The following CHIC1 variants were observed in gnomAD, a reference collection of about 807,000 sequenced individuals.
The protein encoded by CHIC1 is cysteine rich hydrophobic domain 1.
In CHIC1, 7 loss-of-function variants were observed where a neutral mutation model predicts 18.5. The observed-to-expected ratio is 0.38, with a 90% CI of 0.22 to 0.71. CHIC1 has a LOEUF of 0.71. Among genes scored for constraint, CHIC1 ranks in the 30% least tolerant of loss-of-function variants. The probability of loss-of-function intolerance (pLI) is 0.49; values close to 1 mark genes in which losing one functional copy is unlikely to be tolerated. For synonymous variants in CHIC1, 77 were observed against 73.5 expected, an observed-to-expected ratio of 1.05 and a Z score of -0.25; for missense variants, 159 against 176.9, an observed-to-expected ratio of 0.90 and a Z score of 0.57.
chrX:73,570,978 A>G (rs1204769371), intron 1 of CHIC1, among the ~76,000 whole-genome samples: 2 of 111,089 alleles, frequency 1.8e-5, no homozygotes, highest in African/African-American at 6.5e-5. Flanking sequence ...TTACTGAATA[A>G]GATATTATTT....
chrX:73,629,777 T>C (rs2057799058), intron 3 of CHIC1, among the ~76,000 whole-genome samples: 1 of 112,232 alleles, frequency 8.9e-6, no homozygotes. Context: ...ATCCAAGATC[T>C]TCTGTGGTTC....
chrX:73,637,649 T>C (rs1414803019), intron 3 of CHIC1, among the ~76,000 whole-genome samples: 1 of 111,522 alleles, frequency 9.0e-6, no homozygotes, highest in Non-Finnish European at 1.9e-5. Flanking sequence ...TTCAACTCCC[T>C]CTATTGAATT....
intron 1 of CHIC1, among the ~76,000 whole-genome samples, chrX:73,571,165 A>G (rs1161697497): frequency 2.7e-5 from 3 of 110,641 alleles, no homozygotes; most frequent in African/African-American, 9.8e-5. Flanking sequence ...ATCTGTCTGT[A>G]TTGACTATAT....
At chrX:73,676,482 T>G (rs1262004393) in intron 3 of CHIC1, among the ~76,000 whole-genome samples, 1 of 111,831 alleles carries the variant, frequency 8.9e-6, no homozygotes, top group Non-Finnish European at 1.9e-5. Context: ...TTCATTCATT[T>G]CGTCTTCCAT....
chrX:73,658,504 T>C (rs1161782273), intron 3 of CHIC1, among the ~76,000 whole-genome samples: 1 of 108,894 alleles, frequency 9.2e-6, no homozygotes, highest in African/African-American at 3.3e-5. Flanking sequence ...TCATTTCTGA[T>C]TGTGTTTACT....
intron 3 of CHIC1, among the ~76,000 whole-genome samples, chrX:73,601,356 C>A (rs1381031838): frequency 5.6e-5 from 6 of 106,607 alleles, no homozygotes; most frequent in Admixed American, 2.0e-4. Flanking sequence ...TTATAACAAA[C>A]TATCTCTCAG....
chrX:73,623,085 G>C (rs1490728794), intron 3 of CHIC1, among the ~76,000 whole-genome samples: 2 of 111,745 alleles, frequency 1.8e-5, no homozygotes, highest in Admixed American at 1.9e-4. Flanking sequence ...CATTTGCTGA[G>C]TAGTGTTTTA....
rs1474025044 is a variant in CHIC1, at chrX:73,685,626, CAAT to C, written c.*4625_*4627del. ...CACGTCCTCATTGTCGAAGTGGGGA[CAAT>C]AATCTGGACCTACCTCACAGGGGAA... is the stretch of plus-strand genomic sequence containing the variant. On this transcript the variant is annotated 3_prime_UTR_variant, in exon 6 of 6. Transcript: ENST00000373502. The C allele has an allele frequency of 9.0e-6, 1 of 111,271 alleles. No homozygotes were observed. 9.2% of individuals were successfully genotyped at this position (111,271 alleles called of 1,213,427 possible).
intron 3 of CHIC1, among the ~76,000 whole-genome samples, chrX:73,609,717 A>G (rs1317035367): frequency 9.1e-6 from 1 of 109,824 alleles, no homozygotes; most frequent in Non-Finnish European, 1.9e-5. Flanking sequence ...AGTACATATA[A>G]TATTTTGTAA....
chrX:73,681,970 A>G lies in CHIC1; in HGVS notation c.*965A>G, dbSNP rs1363716693. 9.0e-6 allele frequency: 1 copy of G among 111,720 alleles called. No individual in the cohort carries two copies. Among genetic ancestry groups the G allele is most frequent in the African/African-American group, 3.2e-5 (1 of 30,856 alleles). 9.2% of individuals were successfully genotyped at this position (111,720 alleles called of 1,213,427 possible). ...ATTTATTAGCCTTTTCTTCCTTTGA[A>G]AATACACACAATTATGACTTTTAAG... On this transcript the variant is annotated 3_prime_UTR_variant, in exon 6 of 6. Coordinates refer to ENST00000373502, the MANE Select transcript of CHIC1 (RefSeq NM_001039840.4).
At chrX:73,651,287 AG>A (rs751963625) in intron 3 of CHIC1, among the ~76,000 whole-genome samples, 6 of 111,639 alleles carry the variant, frequency 5.4e-5, no homozygotes, top group Non-Finnish European at 9.4e-5. Flanking sequence ...AATGGGCAAA[AG>A]CTGGAAACAT....
chrX:73,666,714 T>C (rs1004366721), intron 3 of CHIC1, among the ~76,000 whole-genome samples: 8 of 112,432 alleles, frequency 7.1e-5, no homozygotes, highest in African/African-American at 9.7e-5. Flanking sequence ...TGTTCTGTGC[T>C]CTGAGAGACT....
chrX:73,570,456 T>C lies in CHIC1; in HGVS notation c.296+6876T>C, dbSNP rs1315375629. Among the ~76,000 whole-genome samples the C allele has an allele frequency of 5.4e-5, 6 of 110,559 alleles. 1 individual carries two copies. Among genetic ancestry groups the C allele is most frequent in the Non-Finnish European group, 1.1e-4 (6 of 52,584 alleles). On this transcript the variant is annotated intron_variant, in intron 1 of 5. Coordinates refer to ENST00000373502, the MANE Select transcript of CHIC1 (RefSeq NM_001039840.4). ...CTGGCTGTAAGCAAGATGCAAAACA[T>C]AGGAGAGGGAAGGTGCAAATATGAT...
chrX:73,678,953 G>A (rs1007314795), intron 3 of CHIC1, among the ~76,000 whole-genome samples: 10 of 111,906 alleles, frequency 8.9e-5, no homozygotes, highest in South Asian at 7.4e-4. Context: ...GTAATCCTAA[G>A]ACAGTTATGT....
intron 3 of CHIC1, among the ~76,000 whole-genome samples, chrX:73,677,278 A>G (rs2058070670): frequency 8.9e-6 from 1 of 112,118 alleles, no homozygotes; most frequent in African/African-American, 3.2e-5. Flanking sequence ...GGGACATTTA[A>G]GTCTGCAGAG....
chrX:73,651,916 A>G lies in CHIC1; in HGVS notation c.508-27410A>G, dbSNP rs1180915010. Among the ~76,000 whole-genome samples the G allele has an allele frequency of 3.6e-5, 4 of 112,132 alleles. No individual in the cohort carries two copies. The Admixed American group carries it at 3.8e-4, about 11-fold the overall frequency. ...TAAAGTTCGTATGGAACCAAAGAAGAGTGCATATAGCCAAGACAGTTCTAA... is the reference window on the plus strand; with the variant it reads ...TAAAGTTCGTATGGAACCAAAGAAGGGTGCATATAGCCAAGACAGTTCTAA... On this transcript the variant is annotated intron_variant, in intron 3 of 5. Coordinates refer to ENST00000373502, the MANE Select transcript of CHIC1 (RefSeq NM_001039840.4).
chrX:73,665,126 G>A (rs1372685105), intron 3 of CHIC1, among the ~76,000 whole-genome samples: 3 of 111,995 alleles, frequency 2.7e-5, no homozygotes, highest in Non-Finnish European at 3.8e-5. Context: ...TCCCATAGCT[G>A]CAGTGTATCC....
At chrX:73,667,480 G>T (rs1382435427) in intron 3 of CHIC1, among the ~76,000 whole-genome samples, 1 of 111,840 alleles carries the variant, frequency 8.9e-6, no homozygotes, top group Non-Finnish European at 1.9e-5. Flanking sequence ...TTTTGTAGTG[G>T]CTGATGACAG....
intron 1 of CHIC1, among the ~76,000 whole-genome samples, chrX:73,569,884 A>G (rs529756741): frequency 2.7e-5 from 3 of 111,413 alleles, no homozygotes; most frequent in East Asian, 5.6e-4. Flanking sequence ...AGATACATTT[A>G]GGTCATAAGG....
Sources: gnomAD v4.1 joint callset for allele counts (sites outside exome capture counted in the v4.1 genomes callset) on GRCh38, gnomAD v4.1.1 for gene constraint, MANE v1.5 for transcripts, NCBI Gene and HGNC (gene_info 2026-07-23, HGNC 2026-07-21) for gene names.